Variants in DLGAP2 observed in about 807,000 individuals in gnomAD.
The protein encoded by DLGAP2 is DLG associated protein 2, also known as disks large-associated protein 2.
A neutral mutation model predicts 100.3 loss-of-function variants in DLGAP2; 26 were observed. The observed-to-expected ratio is 0.26, with a 90% confidence interval of 0.19 to 0.36. DLGAP2 has a LOEUF of 0.36. Among genes scored for constraint, DLGAP2 ranks in the 10% least tolerant of loss-of-function variants. The pLI is 1.00. For missense variants in DLGAP2, 1,858 were observed against 1,453.2 expected (o/e 1.28, Z -4.53); for synonymous variants, 886 against 630.1 (o/e 1.41, Z -6.08).
In DLGAP2 at chr8:858,563, T is replaced by C. The variant is rs187260332; in HGVS notation, c.19-49349T>C. On this transcript the variant is annotated intron_variant, in intron 1 of 14. Coordinates refer to ENST00000637795, the MANE Select transcript of DLGAP2 (RefSeq NM_001346810.2). Reference sequence around the variant, plus strand: ...GCTGTCACCGTGGGCACATGTGTGATGCTGTCACCGTGGGGACATGTGTGA... The same window carrying C: ...GCTGTCACCGTGGGCACATGTGTGACGCTGTCACCGTGGGGACATGTGTGA... Among the ~76,000 whole-genome samples the C allele has an allele frequency of 8.1e-4, 123 of 151,338 alleles. 3 individuals carry two copies. Among genetic ancestry groups the C allele is most frequent in the South Asian group, 7.2e-3 (34 of 4,748 alleles).
chr8:1,135,086 C>T (rs1796376837), intron 2 of DLGAP2, among the ~76,000 whole-genome samples: 2 of 152,126 alleles, frequency 1.3e-5, no homozygotes, highest in South Asian at 2.1e-4. Context: ...GAAAGGTGTC[C>T]CTCCCCAAGG....
intron 8 of DLGAP2, among the ~76,000 whole-genome samples, chr8:1,649,557 A>G (rs1046418299): frequency 1.3e-5 from 2 of 152,218 alleles, no homozygotes; most frequent in African/African-American, 2.4e-5. Context: ...AGTTTGGTCT[A>G]TGGTTTTAGG....
chr8:1,176,303 C>T (rs971709066), intron 2 of DLGAP2, among the ~76,000 whole-genome samples: 44 of 151,526 alleles, frequency 2.9e-4, no homozygotes, highest in African/African-American at 9.7e-4. Flanking sequence ...CCCTGTGATC[C>T]AGACACTTTC....
chr8:1,499,654 T>C (rs1324399815), intron 3 of DLGAP2, among the ~76,000 whole-genome samples: 1 of 152,222 alleles, frequency 6.6e-6, no homozygotes, highest in Non-Finnish European at 1.5e-5. Context: ...TTATGTTAAA[T>C]CATTTGAGCT....
intron 1 of DLGAP2, among the ~76,000 whole-genome samples, chr8:770,523 C>T (rs1317169181): frequency 6.6e-6 from 1 of 152,224 alleles, no homozygotes; most frequent in African/African-American, 2.4e-5. Context: ...TACAGGGCTG[C>T]CAATCCCCCG....
chr8:1,136,068 AT>A (rs1796404239), intron 2 of DLGAP2, among the ~76,000 whole-genome samples: 1 of 152,148 alleles, frequency 6.6e-6, no homozygotes, highest in African/African-American at 2.4e-5. Flanking sequence ...CAACCTGCTC[AT>A]GAAAAATTCA....
At chr8:1,474,384 G>C (rs972589023) in intron 3 of DLGAP2, among the ~76,000 whole-genome samples, 5 of 152,086 alleles carry the variant, frequency 3.3e-5, no homozygotes, top group Admixed American at 6.6e-5. Flanking sequence ...TTTCCCTCTG[G>C]GTAGATACTC....
At chr8:1,303,483 C>T (rs865957862) in intron 3 of DLGAP2, among the ~76,000 whole-genome samples, 4 of 151,868 alleles carry the variant, frequency 2.6e-5, no homozygotes, top group African/African-American at 4.8e-5. Flanking sequence ...GAAGGAGCTT[C>T]GACCTGGAAA....
intron 3 of DLGAP2, among the ~76,000 whole-genome samples, chr8:1,326,280 A>G (rs1275267494): frequency 6.6e-6 from 1 of 152,260 alleles, no homozygotes; most frequent in Admixed American, 6.5e-5. Context: ...AAATTAGACA[A>G]TCTGTATTTC....
chr8:1,128,265 G>T (rs1387825809), intron 2 of DLGAP2, among the ~76,000 whole-genome samples: 1 of 151,338 alleles, frequency 6.6e-6, no homozygotes, highest in Non-Finnish European at 1.5e-5. Context: ...GTTCGGTGAG[G>T]ACCTGCTCCC....
chr8:1,412,298 C>G (rs1796753155), intron 3 of DLGAP2, among the ~76,000 whole-genome samples: 1 of 152,232 alleles, frequency 6.6e-6, no homozygotes. Flanking sequence ...CTCCTCCTCC[C>G]TAGCCTTCTG....
intron 2 of DLGAP2, among the ~76,000 whole-genome samples, chr8:1,031,914 T>C (rs533995449): frequency 6.6e-6 from 1 of 152,316 alleles, no homozygotes; most frequent in South Asian, 2.1e-4. Context: ...CTCTCAGATC[T>C]GGATCTTTGG....
intron 2 of DLGAP2, among the ~76,000 whole-genome samples, chr8:1,203,710 C>A (rs1585149311): frequency 6.6e-6 from 1 of 152,186 alleles, no homozygotes; most frequent in African/African-American, 2.4e-5. Context: ...GCTCTATACC[C>A]AACCACACAC....
At chr8:1,359,365 G>C (rs943537426) in intron 3 of DLGAP2, among the ~76,000 whole-genome samples, 1 of 152,258 alleles carries the variant, frequency 6.6e-6, no homozygotes, top group African/African-American at 2.4e-5. Flanking sequence ...TAGGAGAAAG[G>C]AAATTGAGCC....
intron 8 of DLGAP2, among the ~76,000 whole-genome samples, chr8:1,664,151 C>T (rs895089450): frequency 6.6e-6 from 1 of 152,226 alleles, no homozygotes; most frequent in African/African-American, 2.4e-5. Flanking sequence ...GTAGGACAGG[C>T]CATGCCCACT....
intron 2 of DLGAP2, among the ~76,000 whole-genome samples, chr8:1,149,471 C>T (rs977505777): frequency 4.6e-5 from 7 of 152,170 alleles, no homozygotes; most frequent in African/African-American, 1.7e-4. Flanking sequence ...TTATCTCTTT[C>T]AGTGATTTCA....
At chr8:1,327,951 G>A (rs1585263676) in intron 3 of DLGAP2, among the ~76,000 whole-genome samples, 1 of 152,222 alleles carries the variant, frequency 6.6e-6, no homozygotes, top group African/African-American at 2.4e-5. Flanking sequence ...AGGGATTGCT[G>A]GTTTGTGTCT....
intron 2 of DLGAP2, among the ~76,000 whole-genome samples, chr8:1,047,850 C>T (rs1431235576): frequency 6.6e-6 from 1 of 152,168 alleles, no homozygotes; most frequent in Admixed American, 6.5e-5. Context: ...GGGACAGAAA[C>T]ATTCAATCTA....
chr8:1,335,460 A>G (rs564214705), intron 3 of DLGAP2, among the ~76,000 whole-genome samples: 1 of 152,194 alleles, frequency 6.6e-6, no homozygotes, highest in Non-Finnish European at 1.5e-5. Flanking sequence ...CAAACGGGAC[A>G]GTGTGCTTCC....
Sources: gnomAD v4.1 joint callset for allele counts (sites outside exome capture counted in the v4.1 genomes callset) on GRCh38, gnomAD v4.1.1 for gene constraint, MANE v1.5 for transcripts, NCBI Gene and HGNC (gene_info 2026-07-23, HGNC 2026-07-21) for gene names.